ZNF804B: variants seen among roughly 807,000 people sequenced by gnomAD.
The protein encoded by ZNF804B is zinc finger protein 804B.
In ZNF804B, 80 loss-of-function variants were observed where a neutral mutation model predicts 101.4. The observed-to-expected ratio is 0.79, with a 90% CI of 0.66 to 0.95. The LOEUF is 0.95. Among genes scored for constraint, ZNF804B ranks in the 40% least tolerant of loss-of-function variants. The probability of loss-of-function intolerance (pLI) is 0.00; values close to 1 mark genes in which losing one functional copy is unlikely to be tolerated. For missense variants in ZNF804B, 1,673 were observed against 1,561.9 expected, an observed-to-expected ratio of 1.07 and a Z score of -1.20; for synonymous variants, 622 against 558.8, an observed-to-expected ratio of 1.11 and a Z score of -1.59.
intron 1 of ZNF804B, among the ~76,000 whole-genome samples, chr7:89,129,186 T>A (rs1262316713): frequency 1.3e-5 from 2 of 152,062 alleles, no homozygotes; most frequent in African/African-American, 2.4e-5. Flanking sequence ...TTTTTTACGT[T>A]CAGTGCCCCC....
intron 1 of ZNF804B, among the ~76,000 whole-genome samples, chr7:89,157,332 T>C (rs1790993291): frequency 6.6e-6 from 1 of 152,202 alleles, no homozygotes; most frequent in South Asian, 2.1e-4. Flanking sequence ...GATTCATCTT[T>C]CTCAACTATC....
At chr7:88,934,128 G>A (rs1442153233) in intron 1 of ZNF804B, among the ~76,000 whole-genome samples, 2 of 151,740 alleles carry the variant, frequency 1.3e-5, no homozygotes, top group African/African-American at 4.8e-5. Flanking sequence ...AGAGCCAACT[G>A]ATCTTCAACA....
chr7:88,859,504 A>T (rs993033095), intron 1 of ZNF804B, among the ~76,000 whole-genome samples: 4 of 152,084 alleles, frequency 2.6e-5, no homozygotes, highest in African/African-American at 9.7e-5. Flanking sequence ...GCAAAATTTT[A>T]TTTGGGGAAT....
At chr7:88,982,941 A>G (rs1473905762) in intron 1 of ZNF804B, among the ~76,000 whole-genome samples, 1 of 152,058 alleles carries the variant, frequency 6.6e-6, no homozygotes, top group Non-Finnish European at 1.5e-5. Context: ...AGTGATACCC[A>G]TAAAGTCCTT....
intron 1 of ZNF804B, among the ~76,000 whole-genome samples, chr7:89,136,089 T>C (rs1790630771): frequency 6.6e-6 from 1 of 152,130 alleles, no homozygotes; most frequent in Non-Finnish European, 1.5e-5. Context: ...ACAATATAGC[T>C]GTAGATATAA....
At chr7:88,936,228 T>G (rs2116032267) in intron 1 of ZNF804B, among the ~76,000 whole-genome samples, 1 of 152,208 alleles carries the variant, frequency 6.6e-6, no homozygotes, top group South Asian at 2.1e-4. Flanking sequence ...CACTATCATT[T>G]TAATGTCAGA....
chr7:89,054,266 C>T (rs1002687554), intron 1 of ZNF804B, among the ~76,000 whole-genome samples: 1 of 147,768 alleles, frequency 6.8e-6, no homozygotes, highest in African/African-American at 2.5e-5. Context: ...AAATAATTCT[C>T]ATATATTCAT....
At chr7:89,065,704 T>G (rs1406882140) in intron 1 of ZNF804B, among the ~76,000 whole-genome samples, 1 of 151,492 alleles carries the variant, frequency 6.6e-6, no homozygotes, top group African/African-American at 2.4e-5. Context: ...TGGGGAGGGG[T>G]TTTTGTTTCC....
rs184514305 is a variant in ZNF804B, at chr7:89,337,579, T to C, written c.*547T>C. 7.9e-4 allele frequency among the ~76,000 whole-genome samples: 120 copies of C among 152,242 alleles called. No homozygotes were observed. The highest frequency in any genetic ancestry group is 5.6e-3 in the South Asian group (27 of 4,828). On this transcript the variant is annotated 3_prime_UTR_variant, in exon 4 of 4. Transcript: ENST00000333190. ...AGAACAAGACATTTTCTGATTAATT[T>C]AGGTTGAAAATTACATTTTAATGAA... is the stretch of plus-strand genomic sequence containing the variant.
intron 1 of ZNF804B, among the ~76,000 whole-genome samples, chr7:88,818,947 A>C (rs1200180002): frequency 6.6e-6 from 1 of 152,182 alleles, no homozygotes; most frequent in Non-Finnish European, 1.5e-5. Flanking sequence ...TGTCAGAACC[A>C]GTGAGGTTGA....
At chr7:89,058,169 A>G (rs1271608163) in intron 1 of ZNF804B, among the ~76,000 whole-genome samples, 1 of 152,084 alleles carries the variant, frequency 6.6e-6, no homozygotes. Context: ...CCCTATATTT[A>G]TTAGGAAAGC....
At chr7:89,280,672 C>G (rs986791277) in intron 2 of ZNF804B, among the ~76,000 whole-genome samples, 5 of 150,510 alleles carry the variant, frequency 3.3e-5, no homozygotes, top group African/African-American at 1.3e-4. Context: ...GGATAAATTC[C>G]TCGACACATA....
intron 1 of ZNF804B, among the ~76,000 whole-genome samples, chr7:88,776,285 A>T (rs1179265218): frequency 2.6e-5 from 4 of 152,174 alleles, no homozygotes; most frequent in Non-Finnish European, 4.4e-5. Flanking sequence ...GTGACGGGGA[A>T]CTTAAAATTG....
chr7:88,949,159 G>A (rs1472438576), intron 1 of ZNF804B, among the ~76,000 whole-genome samples: 9 of 151,784 alleles, frequency 5.9e-5, no homozygotes, highest in East Asian at 3.9e-4. Flanking sequence ...TGATCATGGC[G>A]TGTAAGTCAT....
At chr7:88,762,549 A>G (rs1789914737) in intron 1 of ZNF804B, among the ~76,000 whole-genome samples, 1 of 152,208 alleles carries the variant, frequency 6.6e-6, no homozygotes, top group African/African-American at 2.4e-5. Flanking sequence ...AACTGTGGTT[A>G]TAGATCTTTT....
chr7:89,260,933 A>C (rs1002439548), intron 2 of ZNF804B, among the ~76,000 whole-genome samples: 1 of 152,020 alleles, frequency 6.6e-6, no homozygotes, highest in African/African-American at 2.4e-5. Flanking sequence ...TTGTTCTTCA[A>C]GGTTTATGGC....
chr7:89,139,647 T>G (rs1264211639), intron 1 of ZNF804B, among the ~76,000 whole-genome samples: 1 of 151,992 alleles, frequency 6.6e-6, no homozygotes, highest in East Asian at 1.9e-4. Context: ...TGCTCATCCA[T>G]AAAAAAACAC....
At chr7:89,073,119 A>G (rs150479099) in intron 1 of ZNF804B, among the ~76,000 whole-genome samples, 6 of 152,312 alleles carry the variant, frequency 3.9e-5, no homozygotes, top group African/African-American at 1.2e-4. Context: ...GAGAATTTTT[A>G]AAAGACTAGT....
intron 1 of ZNF804B, among the ~76,000 whole-genome samples, chr7:89,011,789 G>A (rs887930700): frequency 1.3e-5 from 2 of 152,130 alleles, no homozygotes; most frequent in African/African-American, 4.8e-5. Flanking sequence ...TTATGGGCTG[G>A]CTTTGACTGT....
Sources: gnomAD v4.1 joint callset for allele counts (sites outside exome capture counted in the v4.1 genomes callset) on GRCh38, gnomAD v4.1.1 for gene constraint, MANE v1.5 for transcripts, NCBI Gene and HGNC (gene_info 2026-07-23, HGNC 2026-07-21) for gene names.